WWOX: variants seen among roughly 807,000 people sequenced by gnomAD.
The protein encoded by WWOX is WW domain containing oxidoreductase.
In WWOX, 69 loss-of-function variants were observed where a neutral mutation model predicts 46.2. The ratio of observed to expected loss-of-function variants is 1.49; its 90% CI spans 1.23 to 1.82. The LOEUF (loss-of-function observed/expected upper bound fraction) is 1.82, where lower values mean the gene tolerates loss of function less well. Among genes scored for constraint, WWOX ranks in the 40% most tolerant of loss-of-function variants. The pLI is 0.00. For synonymous variants in WWOX, 359 were observed against 202.6 expected (o/e 1.77, Z -6.56); for missense variants, 919 against 542.6 (o/e 1.69, Z -6.89).
chr16:78,505,459 T>C (rs1003367746), intron 8 of WWOX, among the ~76,000 whole-genome samples: 4 of 152,078 alleles, frequency 2.6e-5, no homozygotes, highest in Non-Finnish European at 5.9e-5. Context: ...CTGAAAATCA[T>C]CTTACTTTTT....
chr16:78,957,195 T>G (rs904106936), intron 8 of WWOX, among the ~76,000 whole-genome samples: 4 of 152,182 alleles, frequency 2.6e-5, no homozygotes, highest in Non-Finnish European at 2.9e-5. Context: ...TTTACTGAAA[T>G]GCAGGGCACA....
intron 8 of WWOX, among the ~76,000 whole-genome samples, chr16:78,823,318 G>A (rs2051556480): frequency 6.6e-6 from 1 of 152,156 alleles, no homozygotes; most frequent in Non-Finnish European, 1.5e-5. Flanking sequence ...AGGAGTTGAT[G>A]ATCACATTAT....
chr16:79,089,980 G>C (rs537420147), intron 8 of WWOX: 1 of 151,822 alleles, frequency 6.6e-6, no homozygotes, highest in South Asian at 2.1e-4. Flanking sequence ...AAAAGGGGGG[G>C]CCGGCGAGCT....
intron 5 of WWOX, among the ~76,000 whole-genome samples, chr16:78,216,799 T>C (rs912804250): frequency 3.3e-5 from 5 of 152,172 alleles, no homozygotes; most frequent in Non-Finnish European, 7.3e-5. Context: ...TGGCTTGATC[T>C]TGGCTCACTG....
intron 8 of WWOX, among the ~76,000 whole-genome samples, chr16:78,550,349 C>G (rs1319656925): frequency 6.6e-6 from 1 of 152,212 alleles, no homozygotes; most frequent in Non-Finnish European, 1.5e-5. Flanking sequence ...CCTATCACAA[C>G]TACTAAGCTA....
At chr16:78,261,772 GT>G (rs58013034) in intron 5 of WWOX, among the ~76,000 whole-genome samples, 3,848 of 129,506 alleles carry the variant, frequency 0.03, 144 homozygotes, top group South Asian at 0.078. Flanking sequence ...ATCTATCTAT[GT>G]ATCTATCTAT....
At chr16:79,073,033 G>T (rs936810694) in intron 8 of WWOX, among the ~76,000 whole-genome samples, 1 of 152,052 alleles carries the variant, frequency 6.6e-6, no homozygotes, top group African/African-American at 2.4e-5. Flanking sequence ...ATATCTAGAC[G>T]TGTGCTAGCC....
chr16:78,554,585 G>T (rs117431990), intron 8 of WWOX, among the ~76,000 whole-genome samples: 2 of 152,066 alleles, frequency 1.3e-5, no homozygotes, highest in Non-Finnish European at 1.5e-5. Flanking sequence ...ATGCATATAC[G>T]TGGGTGTACA....
intron 8 of WWOX, among the ~76,000 whole-genome samples, chr16:78,636,963 C>G (rs1056826395): frequency 6.6e-6 from 1 of 152,168 alleles, no homozygotes; most frequent in Non-Finnish European, 1.5e-5. Flanking sequence ...TGGACGCGTT[C>G]CCCTTGTCTG....
At chr16:78,578,257 TATATATATATATA>T (rs2044943681) in intron 8 of WWOX, among the ~76,000 whole-genome samples, 1 of 29,360 alleles carries the variant, frequency 3.4e-5, no homozygotes, top group Non-Finnish European at 7.4e-5. Context: ...CCAAATTTTA[TATATATATATATA>T]TATATATATA....
intron 8 of WWOX, among the ~76,000 whole-genome samples, chr16:78,713,954 C>G (rs1474483498): frequency 6.6e-6 from 1 of 152,146 alleles, no homozygotes; most frequent in Admixed American, 6.5e-5. Flanking sequence ...AGTCCTGGCT[C>G]TGTCTCCAAT....
intron 8 of WWOX, among the ~76,000 whole-genome samples, chr16:79,014,100 C>G (rs1174545341): frequency 6.6e-6 from 1 of 152,160 alleles, no homozygotes; most frequent in African/African-American, 2.4e-5. Flanking sequence ...TCGCTTTAGC[C>G]CGAGCTGGGT....
intron 8 of WWOX, among the ~76,000 whole-genome samples, chr16:79,197,202 C>A (rs566054579): frequency 6.6e-6 from 1 of 152,274 alleles, no homozygotes; most frequent in Non-Finnish European, 1.5e-5. Flanking sequence ...TTTATACATT[C>A]CCACAGTGCC....
chr16:78,160,108 G>T (rs1417230285), intron 4 of WWOX, among the ~76,000 whole-genome samples: 2 of 151,376 alleles, frequency 1.3e-5, no homozygotes. Flanking sequence ...GCTTTCTTTA[G>T]GCTTAATTTG....
intron 5 of WWOX, among the ~76,000 whole-genome samples, chr16:78,364,050 C>G (rs75441700): frequency 1.3e-5 from 2 of 152,206 alleles, no homozygotes; most frequent in African/African-American, 4.8e-5. Flanking sequence ...CACATCCCCC[C>G]ACTCAGTCTT....
chr16:78,483,824 T>TA (rs1216015729), intron 8 of WWOX, among the ~76,000 whole-genome samples: 5 of 151,968 alleles, frequency 3.3e-5, no homozygotes, highest in Admixed American at 6.6e-5. Flanking sequence ...AGCCTTAATT[T>TA]AAAAAAAATG....
intron 8 of WWOX, among the ~76,000 whole-genome samples, chr16:78,822,979 T>A (rs56890231): frequency 0.082 from 12,481 of 152,166 alleles, 606 homozygotes; most frequent in African/African-American, 0.14. Context: ...TCGTGTTGTT[T>A]GTAAATTTGT....
chr16:78,515,074 A>T (rs899002356), intron 8 of WWOX, among the ~76,000 whole-genome samples: 1 of 152,140 alleles, frequency 6.6e-6, no homozygotes, highest in Non-Finnish European at 1.5e-5. Context: ...ACAAAAAAAA[A>T]TTAGCTGAAC....
At chr16:78,969,426 C>T (rs953738517) in intron 8 of WWOX, among the ~76,000 whole-genome samples, 2 of 152,080 alleles carry the variant, frequency 1.3e-5, no homozygotes, top group Admixed American at 6.6e-5. Flanking sequence ...CACATGCCAC[C>T]ATGCCCAGCT....
Sources: allele counts gnomAD v4.1 joint callset (sites outside exome capture counted in the v4.1 genomes callset), GRCh38; gene constraint gnomAD v4.1.1; transcripts MANE v1.5; gene names NCBI Gene and HGNC (gene_info 2026-07-23, HGNC 2026-07-21).